The following GALNT17 variants were observed in gnomAD, a reference collection of about 807,000 sequenced individuals.
The protein encoded by GALNT17 is polypeptide N-acetylgalactosaminyltransferase 17.
A neutral mutation model predicts 63.7 loss-of-function variants in GALNT17; 29 were observed. The ratio of observed to expected loss-of-function variants is 0.46; its 90% CI spans 0.34 to 0.62. The LOEUF (loss-of-function observed/expected upper bound fraction) is 0.62, where lower values mean the gene tolerates loss of function less well. Ranked by LOEUF, GALNT17 falls within the 20% of genes least tolerant of loss-of-function variation. GALNT17 has a pLI of 0.01. For missense variants in GALNT17, 603 were observed against 799.6 expected, an observed-to-expected ratio of 0.75 and a Z score of 2.97; for synonymous variants, 305 against 318.3, an observed-to-expected ratio of 0.96 and a Z score of 0.45.
chr7:71,448,541 C>A (rs1397643426), intron 5 of GALNT17, among the ~76,000 whole-genome samples: 5 of 151,830 alleles, frequency 3.3e-5, no homozygotes, highest in Non-Finnish European at 5.9e-5. Flanking sequence ...TCTGTTTCTG[C>A]TTTTACATTT....
chr7:71,408,092 T>C (rs1282088923), intron 3 of GALNT17, among the ~76,000 whole-genome samples: 1 of 152,040 alleles, frequency 6.6e-6, no homozygotes, highest in East Asian at 1.9e-4. Flanking sequence ...AGTGAACCAG[T>C]GCTTTTGAGA....
At chr7:71,567,463 T>G (rs1021283832) in intron 5 of GALNT17, among the ~76,000 whole-genome samples, 37 of 152,322 alleles carry the variant, frequency 2.4e-4, no homozygotes, top group South Asian at 6.2e-4. Flanking sequence ...GTAGAGATTT[T>G]TTTGTTTGTT....
At chr7:71,442,290 G>A (rs1044502888) in intron 5 of GALNT17, among the ~76,000 whole-genome samples, 2 of 152,070 alleles carry the variant, frequency 1.3e-5, no homozygotes, top group Non-Finnish European at 2.9e-5. Flanking sequence ...TCTGCCTGCC[G>A]GGTTTACGCC....
At chr7:71,519,049 T>G (rs1209864016) in intron 5 of GALNT17, among the ~76,000 whole-genome samples, 1 of 152,120 alleles carries the variant, frequency 6.6e-6, no homozygotes, top group Non-Finnish European at 1.5e-5. Context: ...CAAGTTAATG[T>G]GTTACCCTCA....
intron 5 of GALNT17, among the ~76,000 whole-genome samples, chr7:71,530,271 G>C (rs1043935664): frequency 6.6e-6 from 1 of 152,094 alleles, no homozygotes; most frequent in African/African-American, 2.4e-5. Context: ...TAACCTTTTT[G>C]ATGTCTATTT....
At chr7:71,246,815 C>CGA (rs1562945028) in intron 1 of GALNT17, among the ~76,000 whole-genome samples, 1 of 143,694 alleles carries the variant, frequency 7.0e-6, no homozygotes, top group Non-Finnish European at 1.5e-5. Flanking sequence ...GGCGACAGAG[C>CGA]GAGACTCCGT....
chr7:71,424,714 GGT>G (rs1786727098), intron 5 of GALNT17, among the ~76,000 whole-genome samples: 1 of 152,098 alleles, frequency 6.6e-6, no homozygotes, highest in Non-Finnish European at 1.5e-5. Flanking sequence ...GAATTTTTAT[GGT>G]CCTTCTGAAA....
intron 8 of GALNT17, among the ~76,000 whole-genome samples, chr7:71,676,975 G>C (rs115991236): frequency 1.1e-4 from 17 of 152,024 alleles, no homozygotes; most frequent in African/African-American, 2.4e-4. Flanking sequence ...CTGTGAGGGT[G>C]GGGGGGCAAG....
chr7:71,660,699 G>C lies in GALNT17; in HGVS notation c.1081-4712G>C, dbSNP rs144164081. 4.2e-3 allele frequency among the ~76,000 whole-genome samples: 635 copies of C among 152,302 alleles called. 11 individuals are homozygous for C. Among genetic ancestry groups the C allele is most frequent in the African/African-American group, 0.015 (611 of 41,576 alleles). ...GCCAAGGTGGAATATCACTCCTTCC[G>C]GGAATACCCCTCCATAGGGGACTTA... On this transcript the variant is annotated intron_variant, in intron 6 of 10. Coordinates refer to ENST00000333538, the MANE Select transcript of GALNT17 (RefSeq NM_022479.3).
At chr7:71,364,955 G>A (rs1174207697) in intron 2 of GALNT17, among the ~76,000 whole-genome samples, 1 of 75,290 alleles carries the variant, frequency 1.3e-5, no homozygotes, top group Non-Finnish European at 2.7e-5. Context: ...TTTTGAGATG[G>A]AGTCTCACTC....
chr7:71,687,392 T>C lies in GALNT17; in HGVS notation c.1500+10086T>C, dbSNP rs149628784. On this transcript the variant is annotated intron_variant, in intron 9 of 10. Transcript: ENST00000333538. The stretch of plus-strand genomic sequence containing the variant: ...ACGGGGCTCTGGCGAGCTATTAGCA[T>C]GTAGGAGGCACCCCTGGTCGTCGTC... 2.4e-3 allele frequency among the ~76,000 whole-genome samples: 363 copies of C among 152,280 alleles called. 5 individuals carry two copies. Among genetic ancestry groups the C allele is most frequent in the African/African-American group, 7.9e-3 (327 of 41,570 alleles).
At chr7:71,565,866 C>T (rs1173985956) in intron 5 of GALNT17, among the ~76,000 whole-genome samples, 6 of 132,010 alleles carry the variant, frequency 4.5e-5, no homozygotes, top group Non-Finnish European at 7.9e-5. Context: ...TTTTTTGAAA[C>T]GGAGTCTCGC....
At chr7:71,218,042 A>G (rs1326150156) in intron 1 of GALNT17, among the ~76,000 whole-genome samples, 1 of 152,086 alleles carries the variant, frequency 6.6e-6, no homozygotes, top group African/African-American at 2.4e-5. Context: ...CTTTCAAAAC[A>G]TTTTCTACAC....
At chr7:71,194,265 G>A (rs1268184791) in intron 1 of GALNT17, among the ~76,000 whole-genome samples, 1 of 152,152 alleles carries the variant, frequency 6.6e-6, no homozygotes, top group Admixed American at 6.5e-5. Flanking sequence ...CACTCACAGA[G>A]GTTTAGGAAC....
chr7:71,677,696 TA>T (rs1378173965), intron 9 of GALNT17, among the ~76,000 whole-genome samples: 1 of 151,974 alleles, frequency 6.6e-6, no homozygotes, highest in African/African-American at 2.4e-5. Flanking sequence ...TTTGTATTTT[TA>T]GTAGAGACGG....
At chr7:71,349,777 C>G (rs1187601675) in intron 2 of GALNT17, among the ~76,000 whole-genome samples, 1 of 152,048 alleles carries the variant, frequency 6.6e-6, no homozygotes. Context: ...GACACTTGAC[C>G]CTTGACAATA....
At chr7:71,443,059 A>G (rs975878161) in intron 5 of GALNT17, among the ~76,000 whole-genome samples, 2 of 152,198 alleles carry the variant, frequency 1.3e-5, no homozygotes, top group Non-Finnish European at 2.9e-5. Context: ...AGCTGGTGGC[A>G]TGAGCCCTTC....
At chr7:71,590,961 A>T (rs944894731) in intron 6 of GALNT17, among the ~76,000 whole-genome samples, 1 of 152,212 alleles carries the variant, frequency 6.6e-6, no homozygotes, top group African/African-American at 2.4e-5. Flanking sequence ...GGGTTTCGCC[A>T]TATTGGCCAG....
chr7:71,617,314 G>GA lies in GALNT17; in HGVS notation c.1080+45912_1080+45913insA, dbSNP rs138844193. ...TTGGTTTTTTTTTTGCAGGGGCGGG[G>GA]GGGGTTGGTTTTTTTGTTTTTTTTT... On this transcript the variant is annotated intron_variant, in intron 6 of 10. Transcript: ENST00000333538. 5.5e-3 allele frequency among the ~76,000 whole-genome samples: 820 copies of GA among 149,446 alleles called. 13 individuals are homozygous for GA. The highest frequency in any genetic ancestry group is 7.8e-3 in the Non-Finnish European group (527 of 67,284).
Sources: gnomAD v4.1 joint callset for allele counts (sites outside exome capture counted in the v4.1 genomes callset) on GRCh38, gnomAD v4.1.1 for gene constraint, MANE v1.5 for transcripts, NCBI Gene and HGNC (gene_info 2026-07-23, HGNC 2026-07-21) for gene names.